MOCOS: variants seen among roughly 807,000 people sequenced by gnomAD.
MOCOS encodes human molybdenum cofactor sulfurase.
In MOCOS, 86 loss-of-function variants were observed where a neutral mutation model predicts 83.6. That is an observed-to-expected ratio of 1.03 (90% CI 0.86 to 1.23). MOCOS has a LOEUF of 1.23. MOCOS is among the 50% of genes most tolerant of loss of function. The pLI, the probability that MOCOS is intolerant of heterozygous loss-of-function variation, is 0.00. For synonymous variants in MOCOS, 445 were observed against 434.7 expected (o/e 1.02, Z -0.29); for missense variants, 1,120 against 1,126.9 (o/e 0.99, Z 0.09).
intron 9 of MOCOS, among the ~76,000 whole-genome samples, chr18:36,247,428 C>A (rs2091606376): frequency 6.6e-6 from 1 of 152,166 alleles, no homozygotes; most frequent in Non-Finnish European, 1.5e-5. Context: ...CAGTTAAAAT[C>A]ATTACAAAGT....
chr18:36,243,474 G>T (rs1228383891), intron 9 of MOCOS, among the ~76,000 whole-genome samples: 1 of 152,148 alleles, frequency 6.6e-6, no homozygotes, highest in East Asian at 1.9e-4. Flanking sequence ...AGTTGATCAT[G>T]GTGTCTTATC....
At chr18:36,260,765 A>G (rs910037798) in intron 13 of MOCOS, among the ~76,000 whole-genome samples, 3 of 151,752 alleles carry the variant, frequency 2.0e-5, no homozygotes, top group African/African-American at 4.8e-5. Context: ...TGCTCCTCAC[A>G]TGGTTGACAA....
At chr18:36,261,404 G>T (rs2091663021) in intron 13 of MOCOS, among the ~76,000 whole-genome samples, 1 of 152,002 alleles carries the variant, frequency 6.6e-6, no homozygotes, top group Non-Finnish European at 1.5e-5. Context: ...AATGCTTCTG[G>T]TGTCAAGCAT....
chr18:36,189,341 C>G (rs2091355942), intron 1 of MOCOS, among the ~76,000 whole-genome samples: 1 of 152,094 alleles, frequency 6.6e-6, no homozygotes, highest in Non-Finnish European at 1.5e-5. Context: ...CTTGTATTTC[C>G]TCTACATTAC....
chr18:36,212,536 A>G (rs1186224051), intron 6 of MOCOS, among the ~76,000 whole-genome samples: 1 of 152,174 alleles, frequency 6.6e-6, no homozygotes, highest in Non-Finnish European at 1.5e-5. Context: ...CCAGTGGGCC[A>G]TTAGCCAAGG....
chr18:36,217,742 G>A (rs1001150211), intron 8 of MOCOS, among the ~76,000 whole-genome samples: 3 of 152,186 alleles, frequency 2.0e-5, no homozygotes, highest in South Asian at 2.1e-4. Context: ...AAGAAGAAAC[G>A]AGATGAAAAC....
At chr18:36,196,965 T>C (rs2091390691) in intron 2 of MOCOS, among the ~76,000 whole-genome samples, 1 of 152,152 alleles carries the variant, frequency 6.6e-6, no homozygotes, top group African/African-American at 2.4e-5. Flanking sequence ...TGCTGGTGCC[T>C]GGTCTTATAG....
intron 6 of MOCOS, among the ~76,000 whole-genome samples, chr18:36,213,032 GA>G (rs1186350263): frequency 1.3e-5 from 2 of 152,194 alleles, no homozygotes; most frequent in African/African-American, 4.8e-5. Context: ...GAAAGTTGGA[GA>G]AAGTAGGAAA....
intron 13 of MOCOS, among the ~76,000 whole-genome samples, chr18:36,263,021 A>T (rs2091669422): frequency 6.6e-6 from 1 of 152,132 alleles, no homozygotes; most frequent in Non-Finnish European, 1.5e-5. Flanking sequence ...AGGTGGGAGG[A>T]TTGCTTGAGC....
chr18:36,193,047 C>T (rs915584991), intron 1 of MOCOS, among the ~76,000 whole-genome samples: 2 of 151,296 alleles, frequency 1.3e-5, no homozygotes, highest in African/African-American at 4.9e-5. Flanking sequence ...CGCGGTGGCT[C>T]ACGCCTGTAA....
chr18:36,255,036 C>T (rs533308174), intron 11 of MOCOS, among the ~76,000 whole-genome samples: 61 of 152,104 alleles, frequency 4.0e-4, no homozygotes, highest in Non-Finnish European at 7.5e-4. Flanking sequence ...CATAATTTTT[C>T]GTAGTACACA....
intron 9 of MOCOS, among the ~76,000 whole-genome samples, chr18:36,227,510 C>T (rs1235349822): frequency 6.6e-6 from 1 of 152,042 alleles, no homozygotes; most frequent in Non-Finnish European, 1.5e-5. Context: ...ATTCTTCTTC[C>T]TCAGCTTTCC....
At chr18:36,219,714 G>A (rs2091488780) in intron 8 of MOCOS, among the ~76,000 whole-genome samples, 2 of 151,992 alleles carry the variant, frequency 1.3e-5, no homozygotes, top group South Asian at 4.2e-4. Context: ...TTAAAAAACA[G>A]CAAAAAAAGA....
At chr18:36,214,890 G>A (rs985931177) in intron 7 of MOCOS, among the ~76,000 whole-genome samples, 8 of 152,340 alleles carry the variant, frequency 5.3e-5, no homozygotes, top group Non-Finnish European at 7.3e-5. Flanking sequence ...GTCCAGGACT[G>A]CTCCATGCAC....
intron 12 of MOCOS, 139 bp downstream of exon 12, chr18:36,257,212 C>T (rs1360401344): frequency 3.9e-6 from 3 of 772,948 alleles, no homozygotes; most frequent in Admixed American, 2.0e-5. Flanking sequence ...GAAACTGAGG[C>T]CCTGAGAAGT....
At chr18:36,265,158 T>A (rs1190560749) in intron 13 of MOCOS, among the ~76,000 whole-genome samples, 1 of 152,184 alleles carries the variant, frequency 6.6e-6, no homozygotes, top group African/African-American at 2.4e-5. Flanking sequence ...TTTAAGAGCA[T>A]CTTATCTGAA....
At chr18:36,228,624 A>G (rs2091526571) in intron 9 of MOCOS, among the ~76,000 whole-genome samples, 1 of 152,158 alleles carries the variant, frequency 6.6e-6, no homozygotes, top group Non-Finnish European at 1.5e-5. Flanking sequence ...AATGGGAGCT[A>G]AATGATGAGA....
intron 13 of MOCOS, among the ~76,000 whole-genome samples, chr18:36,264,238 A>G (rs1372479588): frequency 6.6e-6 from 1 of 152,188 alleles, no homozygotes; most frequent in Non-Finnish European, 1.5e-5. Context: ...TTCTTCTGCT[A>G]GTTTGAGAAA....
chr18:36,230,792 C>T lies in MOCOS; in HGVS notation c.1960+10575C>T, dbSNP rs79084884. ...ACTGTGGGCCAGGTGTCTGTGGAGA[C>T]GGTGCTGGAAATCTCCCTACCAGTT... On this transcript the variant is annotated intron_variant, in intron 9 of 14. Transcript: ENST00000261326. Among the ~76,000 whole-genome samples, 810 of 152,276 alleles carry T rather than the reference C, an allele frequency of 5.3e-3. 6 individuals are homozygous for T. The highest frequency in any genetic ancestry group is 0.013 in the African/African-American group (553 of 41,560).
Sources: allele counts gnomAD v4.1 joint callset (sites outside exome capture counted in the v4.1 genomes callset), GRCh38; gene constraint gnomAD v4.1.1; transcripts MANE v1.5; gene names NCBI Gene and HGNC (gene_info 2026-07-23, HGNC 2026-07-21).